NPAS3: variants seen among roughly 807,000 people sequenced by gnomAD.
NPAS3 encodes neuronal PAS domain protein 3.
A neutral mutation model predicts 73.1 loss-of-function variants in NPAS3; 14 were observed. That is an observed-to-expected ratio of 0.19 (90% CI 0.13 to 0.30). The LOEUF is 0.30. Ranked by LOEUF, NPAS3 falls within the 10% of genes least tolerant of loss-of-function variation. The pLI, the probability that NPAS3 is intolerant of heterozygous loss-of-function variation, is 1.00. For missense variants in NPAS3, 1,096 were observed against 1,250.0 expected (o/e 0.88, Z 1.86); for synonymous variants, 620 against 541.5 (o/e 1.14, Z -2.01).
chr14:33,301,881 C>T (rs1049847020), intron 3 of NPAS3, among the ~76,000 whole-genome samples: 4 of 152,130 alleles, frequency 2.6e-5, no homozygotes, highest in African/African-American at 9.7e-5. Flanking sequence ...GTACTAACTT[C>T]CTTATAACTC....
rs147885122 is a variant in NPAS3, at chr14:33,174,008, C to T, written c.141-41174C>T. ...CAGACTTTCCTAATATTTTAATATT[C>T]GAAGCAAGTTCCTATGTGAGGAGGT... On this transcript the variant is annotated intron_variant, in intron 2 of 11. Coordinates refer to ENST00000356141, the Ensembl canonical transcript of NPAS3. Among the ~76,000 whole-genome samples the T allele has an allele frequency of 6.4e-4, 98 of 152,270 alleles. No homozygotes were observed. The East Asian group carries it at 9.8e-3, about 15-fold the overall frequency.
At chr14:33,251,940 T>G (rs1398072807) in intron 3 of NPAS3, among the ~76,000 whole-genome samples, 1 of 152,054 alleles carries the variant, frequency 6.6e-6, no homozygotes, top group Non-Finnish European at 1.5e-5. Context: ...TGAAGCACGT[T>G]GCAATTCGTT....
chr14:33,678,018 A>T (rs1379536471), intron 6 of NPAS3, among the ~76,000 whole-genome samples: 2 of 152,204 alleles, frequency 1.3e-5, no homozygotes, highest in Non-Finnish European at 2.9e-5. Context: ...AACACGCAGC[A>T]TGAAAGAATT....
intron 1 of NPAS3, among the ~76,000 whole-genome samples, chr14:32,951,573 T>C (rs1025284336): frequency 2.0e-5 from 3 of 152,042 alleles, no homozygotes; most frequent in African/African-American, 7.2e-5. Flanking sequence ...TAAAGAAAAA[T>C]ACTAAAATGT....
chr14:33,288,187 TCCAGGAGTCTCAGCCCTTAATAG>T (rs2041955695), intron 3 of NPAS3, among the ~76,000 whole-genome samples: 1 of 152,176 alleles, frequency 6.6e-6, no homozygotes, highest in Non-Finnish European at 1.5e-5. Flanking sequence ...GTCTGCCAAG[TCCAGGAGTCTCAGCCCTTAATAG>T]CCAGTTCATG....
At chr14:33,521,717 T>C (rs1288517580) in intron 4 of NPAS3, among the ~76,000 whole-genome samples, 1 of 152,172 alleles carries the variant, frequency 6.6e-6, no homozygotes, top group African/African-American at 2.4e-5. Context: ...CTGAGTTTCT[T>C]ATTGAATTGT....
chr14:33,070,985 A>G (rs1305762929), intron 2 of NPAS3, among the ~76,000 whole-genome samples: 1 of 152,166 alleles, frequency 6.6e-6, no homozygotes, highest in East Asian at 1.9e-4. Flanking sequence ...GGTTGAGGAT[A>G]AATTTTTGCT....
intron 7 of NPAS3, among the ~76,000 whole-genome samples, chr14:33,758,668 G>A (rs1022052001): frequency 2.0e-5 from 3 of 152,078 alleles, no homozygotes; most frequent in African/African-American, 7.2e-5. Context: ...TTATACAAAG[G>A]AACTGCTTTT....
rs114004598 is a variant in NPAS3 at position 33,154,097 on chromosome 14, T to C, written c.141-61085T>C. ...CTTTATGGAAAAATATAGGTAGAATTGGCCTTCTCTCTCCTCTTTTTTGCT... is the reference window on the plus strand; with the variant it reads ...CTTTATGGAAAAATATAGGTAGAATCGGCCTTCTCTCTCCTCTTTTTTGCT... On this transcript the variant is annotated intron_variant, in intron 2 of 11. Transcript: ENST00000356141. Among the ~76,000 whole-genome samples, 635 of 152,278 alleles carry C rather than the reference T, an allele frequency of 4.2e-3. 7 individuals carry two copies. The highest frequency in any genetic ancestry group is 0.014 in the African/African-American group (600 of 41,562).
chr14:33,354,351 G>A (rs2045232192), intron 3 of NPAS3, among the ~76,000 whole-genome samples: 1 of 152,158 alleles, frequency 6.6e-6, no homozygotes, highest in Non-Finnish European at 1.5e-5. Context: ...ATTTGACAGA[G>A]TCCATAGTCT....
intron 7 of NPAS3, among the ~76,000 whole-genome samples, chr14:33,772,290 T>C (rs1189805757): frequency 6.6e-6 from 1 of 151,942 alleles, no homozygotes; most frequent in East Asian, 1.9e-4. Flanking sequence ...AATCAGAAAA[T>C]TGCGAGTCGA....
chr14:33,448,407 T>C (rs979264208), intron 4 of NPAS3, among the ~76,000 whole-genome samples: 24 of 152,146 alleles, frequency 1.6e-4, no homozygotes, highest in Non-Finnish European at 3.2e-4. Context: ...GTAGTGAAGA[T>C]TGGAAATGGC....
rs756680626 is a variant in NPAS3, at chr14:33,800,140, C to T, written c.1833C>T (p.Ser611=). The T allele has an allele frequency of 1.3e-6, 2 of 1,586,116 alleles. No individual in the cohort carries two copies. Among genetic ancestry groups the T allele is most frequent in the East Asian group, 2.3e-5 (1 of 43,998 alleles). ...GGCGGAAACGGCAAAAGGGCGGCAG[C>T]GCCAGCCGCCGGCGCCTGTCCAGCG... Residue 611 remains serine, a synonymous_variant, in exon 12 of 12, where the codon AGC becomes AGT. Transcript: ENST00000356141. This position sits in a 1 kb window ranked among gnomAD's most constrained non-coding sequence, Gnocchi z 6.5.
At chr14:33,668,471 A>C (rs2059518548) in intron 5 of NPAS3, among the ~76,000 whole-genome samples, 2 of 152,188 alleles carry the variant, frequency 1.3e-5, no homozygotes, top group South Asian at 4.1e-4. Flanking sequence ...AAATGGAAAA[A>C]ATCATCCCCA....
At chr14:33,518,833 G>T (rs1185795015) in intron 4 of NPAS3, among the ~76,000 whole-genome samples, 2 of 151,914 alleles carry the variant, frequency 1.3e-5, no homozygotes, top group Non-Finnish European at 2.9e-5. Flanking sequence ...AGTTGTCCAT[G>T]CACTCTACCA....
chr14:33,794,370 A>T (rs1415907023), intron 10 of NPAS3, among the ~76,000 whole-genome samples: 2 of 152,222 alleles, frequency 1.3e-5, no homozygotes, highest in Non-Finnish European at 2.9e-5. Context: ...CAGCTGAAGC[A>T]TTCAAAAAGC....
chr14:33,435,543 G>A (rs1212767011), intron 4 of NPAS3, among the ~76,000 whole-genome samples: 2 of 152,078 alleles, frequency 1.3e-5, no homozygotes, highest in Non-Finnish European at 2.9e-5. Context: ...GAATATAATA[G>A]AATTCTGGAT....
At chr14:33,134,304 GTTGCTACTGCTTC>G (rs569124890) in intron 2 of NPAS3, among the ~76,000 whole-genome samples, 1 of 151,858 alleles carries the variant, frequency 6.6e-6, no homozygotes, top group Admixed American at 6.6e-5. Flanking sequence ...TATGAATGCA[GTTGCTACTGCTTC>G]CATTCGCATT....
intron 5 of NPAS3, among the ~76,000 whole-genome samples, chr14:33,669,907 T>G (rs1479697922): frequency 1.3e-5 from 2 of 151,686 alleles, no homozygotes; most frequent in Admixed American, 6.6e-5. Context: ...TTTTTGGGGG[T>G]TTTTTGTTTG....
Sources: gnomAD v4.1 joint callset for allele counts (sites outside exome capture counted in the v4.1 genomes callset) on GRCh38, gnomAD v4.1.1 for gene constraint, Gnocchi (gnomAD v3.1) non-coding constraint, MANE v1.5 for transcripts, NCBI Gene and HGNC (gene_info 2026-07-23, HGNC 2026-07-21) for gene names.